Variants in MGAM2 observed in about 807,000 individuals in gnomAD.
MGAM2 encodes the protein maltase-glucoamylase 2 (putative), also known as probable maltase-glucoamylase 2.
MGAM2 carries 98 observed loss-of-function variants against 96.1 expected under a neutral mutation model. The observed-to-expected ratio is 1.02, with a 90% CI of 0.87 to 1.21. The LOEUF (loss-of-function observed/expected upper bound fraction) is 1.21. Ranked by LOEUF, MGAM2 falls within the 50% of genes most tolerant of loss-of-function variation. The pLI, the probability that MGAM2 is intolerant of heterozygous loss-of-function variation, is 0.00. For synonymous variants in MGAM2, 749 were observed against 414.8 expected (o/e 1.81, Z -9.79); for missense variants, 2,055 against 1,182.4 (o/e 1.74, Z -10.82).
chr7:142,142,192 A>C (rs552878407), intron 12 of MGAM2, among the ~76,000 whole-genome samples: 1 of 152,242 alleles, frequency 6.6e-6, no homozygotes, highest in Non-Finnish European at 1.5e-5. Flanking sequence ...CTTTTCATGA[A>C]GCAGTAGGAA....
intron 27 of MGAM2, among the ~76,000 whole-genome samples, chr7:142,170,925 A>C (rs1010518911): frequency 3.9e-5 from 6 of 152,158 alleles, no homozygotes; most frequent in Non-Finnish European, 8.8e-5. Flanking sequence ...ATGCTTTTCT[A>C]TTGGAAAGTT....
intron 46 of MGAM2, among the ~76,000 whole-genome samples, chr7:142,215,519 G>T (rs1002524514): frequency 6.6e-6 from 1 of 151,780 alleles, no homozygotes; most frequent in African/African-American, 2.4e-5. Flanking sequence ...CCAGCACTTT[G>T]GGAAGCCAAG....
At chr7:142,175,059 T>G (rs1796329845) in intron 31 of MGAM2, among the ~76,000 whole-genome samples, 1 of 152,126 alleles carries the variant, frequency 6.6e-6, no homozygotes. Flanking sequence ...TGGCCAGAAC[T>G]TCCAATACTA....
chr7:142,124,850 T>TTA (rs1409096670), intron 3 of MGAM2, among the ~76,000 whole-genome samples: 3 of 152,102 alleles, frequency 2.0e-5, no homozygotes, highest in South Asian at 2.1e-4. Context: ...TCTGTTTCTC[T>TTA]TATATATATA....
chr7:142,146,568 G>T (rs1445884716), intron 14 of MGAM2, among the ~76,000 whole-genome samples: 1 of 152,146 alleles, frequency 6.6e-6, no homozygotes, highest in African/African-American at 2.4e-5. Flanking sequence ...AAGGAAGGTA[G>T]ATACGGCCCC....
intron 13 of MGAM2, 178 bp downstream of exon 13, chr7:142,144,060 G>A (rs541557038): frequency 3.9e-4 from 174 of 442,052 alleles, no homozygotes; most frequent in Non-Finnish European, 6.3e-4. Context: ...GCTCCTAAGA[G>A]CCTTAGGTTC....
chr7:142,147,606 A>T, intron 15 of MGAM2, 33 bp downstream of exon 15: 1 of 690,496 alleles, frequency 1.4e-6, no homozygotes. Flanking sequence ...AATTCCAGAT[A>T]TGTGGAGGTG....
chr7:142,122,525 C>T (rs181216832), intron 3 of MGAM2, among the ~76,000 whole-genome samples: 49 of 152,298 alleles, frequency 3.2e-4, no homozygotes, highest in African/African-American at 1.0e-3. Context: ...ATAGTTATTC[C>T]GACTTGTACC....
At chr7:142,207,903 C>T (rs918946498) in intron 45 of MGAM2, among the ~76,000 whole-genome samples, 7 of 152,052 alleles carry the variant, frequency 4.6e-5, no homozygotes, top group Admixed American at 3.3e-4. Context: ...TCTACAGAGG[C>T]AGAAGTGCTT....
intron 3 of MGAM2, among the ~76,000 whole-genome samples, chr7:142,127,422 C>G (rs1345748029): frequency 6.6e-6 from 1 of 151,836 alleles, no homozygotes; most frequent in African/African-American, 2.4e-5. Flanking sequence ...CATAACACTT[C>G]TCTTTGGTTG....
chr7:142,127,763 A>G (rs1794769563), intron 3 of MGAM2, among the ~76,000 whole-genome samples: 2 of 152,192 alleles, frequency 1.3e-5, no homozygotes, highest in Non-Finnish European at 1.5e-5. Flanking sequence ...ATCTTCCACC[A>G]TGACTGTGAG....
intron 15 of MGAM2, among the ~76,000 whole-genome samples, chr7:142,149,575 C>G (rs902636662): frequency 6.6e-6 from 1 of 151,688 alleles, no homozygotes; most frequent in Non-Finnish European, 1.5e-5. Flanking sequence ...GAGTCTCGCT[C>G]TGTCGCCCAG....
At position 142,137,458 on chromosome 7, in the gene MGAM2, G is replaced by C. The variant is rs560654522; in HGVS notation, c.873G>C (p.Ala291=). 5.7e-6 allele frequency: 4 copies of C among 699,764 alleles called. No homozygotes were observed. The highest frequency in any genetic ancestry group is 1.5e-5 in the South Asian group (1 of 67,136). 43.3% of individuals were successfully genotyped at this position (699,764 alleles called of 1,614,324 possible). ...AGGTTACCCTTCAGCCAGCTCCTGC[G>C]ATCACTTATCGCACGATTGGAGGCA... is the stretch of plus-strand genomic sequence containing the variant. ...AMEVTLQPAP[A]ITYRTIGGIL... Residue 291 remains alanine, a synonymous_variant, in exon 9 of 48, where the codon GCG becomes GCC. Transcript: ENST00000477922.
intron 33 of MGAM2, 122 bp from the exon 34 acceptor site, chr7:142,184,955 T>A: frequency 3.8e-6 from 2 of 522,014 alleles, no homozygotes; most frequent in Non-Finnish European, 6.9e-6. Context: ...ACAGTTTAAT[T>A]TATGGCAAAG....
chr7:142,178,730 A>G (rs1796450495), intron 32 of MGAM2, among the ~76,000 whole-genome samples: 1 of 152,186 alleles, frequency 6.6e-6, no homozygotes, highest in Non-Finnish European at 1.5e-5. Flanking sequence ...CTTCTTGCTT[A>G]GAATTGCTTT....
At chr7:142,153,361 T>C (rs1795641211) in intron 15 of MGAM2, among the ~76,000 whole-genome samples, 1 of 152,252 alleles carries the variant, frequency 6.6e-6, no homozygotes. Flanking sequence ...ACAATGAAAA[T>C]AATATTTTCT....
intron 36 of MGAM2, among the ~76,000 whole-genome samples, chr7:142,188,916 A>C (rs948457087): frequency 1.3e-5 from 2 of 152,236 alleles, no homozygotes; most frequent in African/African-American, 4.8e-5. Context: ...TGATGGGTTC[A>C]TGGGGATATA....
Position 142,148,268 on chromosome 7 carries a change from C to A in MGAM2, c.1634+695C>A, listed in dbSNP as rs900085882. Among the ~76,000 whole-genome samples the A allele has an allele frequency of 6.6e-6, 1 of 151,674 alleles. No individual in the cohort carries two copies. Among genetic ancestry groups the A allele is most frequent in the Non-Finnish European group, 1.5e-5 (1 of 67,876 alleles). ...CCACAGTTATCACCACCATCCCCCCCACCACCACAATCACTATCACCATCA... is the reference window on the plus strand; with the variant it reads ...CCACAGTTATCACCACCATCCCCCCAACCACCACAATCACTATCACCATCA... On this transcript the variant is annotated intron_variant, in intron 15 of 47. Coordinates refer to ENST00000477922, the MANE Select transcript of MGAM2 (RefSeq NM_001293626.2). The surrounding 1 kb of genome is among the most constrained non-coding windows in gnomAD (Gnocchi z 4.2).
At position 142,185,092 on chromosome 7, in the gene MGAM2, C is replaced by T. The variant is rs772558524; in HGVS notation, c.3940C>T (p.Pro1314Ser). 4.3e-6 allele frequency: 3 copies of T among 702,782 alleles called. No individual in the cohort carries two copies. The African/African-American group carries it at 5.2e-5, about 12-fold the overall frequency. The allele number at this position is 702,782 out of a possible 1,614,324, so 43.5% of individuals were successfully genotyped here. A position where few individuals can be genotyped will look rare whatever the true frequency, so the allele number is the denominator to read the frequency against. Residue 1314 changes from proline (P) to serine (S), a missense_variant, in exon 34 of 48, where the codon CCT becomes TCT. Physicochemically the swap from Pro to Ser is moderately conservative, Grantham distance 74 (BLOSUM62 -1). Coordinates refer to ENST00000477922, the MANE Select transcript of MGAM2 (RefSeq NM_001293626.2). ...TTTTCTCTAGGTTTGGCCAGATCTG[C>T]CTAATGTAATTGTAGATGGATCCCT... ...IVWGKVWPDL[P>S]NVIVDGSLDH...
Sources: allele counts gnomAD v4.1 joint callset (sites outside exome capture counted in the v4.1 genomes callset), GRCh38; gene constraint gnomAD v4.1.1; non-coding constraint Gnocchi (gnomAD v3.1); transcripts MANE v1.5; gene names NCBI Gene and HGNC (gene_info 2026-07-23, HGNC 2026-07-21).